Variants in NR1H3 observed in about 807,000 individuals in gnomAD.
NR1H3 encodes nuclear receptor subfamily 1 group H member 3.
NR1H3 carries 19 observed loss-of-function variants against 48.1 expected under a neutral mutation model. That is an observed-to-expected ratio of 0.40 (90% CI 0.28 to 0.58). The LOEUF (loss-of-function observed/expected upper bound fraction) is 0.58, where lower values mean the gene tolerates loss of function less well. Among genes scored for constraint, NR1H3 ranks in the 20% least tolerant of loss-of-function variants. The pLI is 0.50. For synonymous variants in NR1H3, 232 were observed against 227.3 expected (o/e 1.02, Z -0.19); for missense variants, 486 against 595.9 (o/e 0.82, Z 1.92).
chr11:47,260,927 A>T (rs570721242), intron 4 of NR1H3, among the ~76,000 whole-genome samples: 2 of 152,184 alleles, frequency 1.3e-5, no homozygotes, highest in Admixed American at 6.5e-5. Context: ...TCTACTAAAA[A>T]TACAAAAATT....
intron 1 of NR1H3, among the ~76,000 whole-genome samples, chr11:47,250,882 C>T (rs1954599179): frequency 6.6e-6 from 1 of 152,210 alleles, no homozygotes; most frequent in Non-Finnish European, 1.5e-5. Context: ...CAAGTTTTGG[C>T]CGGGTGCGTG....
At chr11:47,265,120 C>T (rs1956324315) in intron 7 of NR1H3, among the ~76,000 whole-genome samples, 1 of 152,034 alleles carries the variant, frequency 6.6e-6, no homozygotes, top group Non-Finnish European at 1.5e-5. Context: ...ATGGCAAAAC[C>T]CCATCTCTAC....
upstream of NR1H3, among the ~76,000 whole-genome samples, chr11:47,253,899 CA>C (rs998853560): frequency 7.2e-5 from 11 of 152,178 alleles, no homozygotes; most frequent in African/African-American, 2.4e-4. Context: ...GTGGGGCTGC[CA>C]AAGTGGGAAC....
upstream of NR1H3, among the ~76,000 whole-genome samples, chr11:47,256,187 C>T (rs758336316): frequency 2.5e-4 from 38 of 151,056 alleles, no homozygotes; most frequent in Non-Finnish European, 4.9e-4. Flanking sequence ...ATTACAGACC[C>T]GCATCACTAT....
At chr11:47,263,326 A>C (rs1215803013) in intron 7 of NR1H3, among the ~76,000 whole-genome samples, 2 of 149,620 alleles carry the variant, frequency 1.3e-5, no homozygotes, top group African/African-American at 4.9e-5. Flanking sequence ...GTGCAGTGGC[A>C]TGAACGTGGC....
At chr11:47,262,517 T>G (rs1014271150) in intron 7 of NR1H3, among the ~76,000 whole-genome samples, 5 of 148,446 alleles carry the variant, frequency 3.4e-5, no homozygotes, top group African/African-American at 1.2e-4. Flanking sequence ...ACTTTTTTTT[T>G]GTTTCATTTT....
intron 7 of NR1H3, among the ~76,000 whole-genome samples, chr11:47,264,192 A>G (rs1364456766): frequency 6.6e-6 from 1 of 152,192 alleles, no homozygotes; most frequent in Non-Finnish European, 1.5e-5. Flanking sequence ...ATTGAGCTTC[A>G]GCAGGAAACC....
At chr11:47,248,751 G>A, upstream of NR1H3, 1 of 1,607,158 alleles carries the variant, frequency 6.2e-7, no homozygotes, top group South Asian at 1.1e-5. Context: ...GGAGCTGGAG[G>A]AGAGCCGCCC....
intron 6 of NR1H3, 60 bp downstream of exon 6, chr11:47,261,786 G>A: frequency 6.2e-7 from 1 of 1,610,748 alleles, no homozygotes; most frequent in Non-Finnish European, 8.5e-7. Flanking sequence ...TGTGGGAGGG[G>A]CCTCCAGACA....
chr11:47,264,746 T>G (rs1278660634), intron 7 of NR1H3, among the ~76,000 whole-genome samples: 2 of 152,224 alleles, frequency 1.3e-5, no homozygotes, highest in Non-Finnish European at 2.9e-5. Flanking sequence ...TCTTATTTCA[T>G]GAGTGAGGTC....
At chr11:47,256,730 TC>T (rs1591087613), upstream of NR1H3, among the ~76,000 whole-genome samples, 1 of 147,992 alleles carries the variant, frequency 6.8e-6, no homozygotes, top group African/African-American at 2.5e-5. Context: ...GAATAATATT[TC>T]TTTTTTTTTT....
chr11:47,265,843 G>C (rs1052018442), intron 7 of NR1H3, among the ~76,000 whole-genome samples: 1 of 152,178 alleles, frequency 6.6e-6, no homozygotes, highest in Non-Finnish European at 1.5e-5. Context: ...CTGCACTCTA[G>C]TCTGGCAACA....
rs1176444836 is a variant in NR1H3 at position 47,267,963 on chromosome 11, A to C, written c.1039A>C (p.Asn347His). Residue 347 changes from asparagine to histidine, a missense_variant, in exon 8 of 10, where the codon AAT (asparagine) becomes CAT (histidine). Asn to His is a moderately conservative substitution (Grantham distance 68, BLOSUM62 1). Transcript: ENST00000441012. ...NPIFEFSRAMNELQLNDAEFA... is the reference protein window; with the variant it reads ...NPIFEFSRAMHELQLNDAEFA... The stretch of plus-strand genomic sequence containing the variant: ...CATCTTCGAGTTCTCCAGGGCCATG[A>C]ATGAGCTGCAACTCAATGATGCCGA... 1.9e-6 allele frequency: 3 copies of C among 1,614,082 alleles called. No individual in the cohort carries two copies. The highest frequency in any genetic ancestry group is 2.5e-6 in the Non-Finnish European group (3 of 1,180,020).
chr11:47,254,331 C>G (rs35879051), upstream of NR1H3, among the ~76,000 whole-genome samples: 57,458 of 152,072 alleles, frequency 0.38, 11,808 homozygotes, highest in East Asian at 0.75. Context: ...TTGAAACCAG[C>G]CATCTCTGTG....
At chr11:47,248,393 GT>G (rs1178756007), upstream of NR1H3, 90 of 1,502,332 alleles carry the variant, frequency 6.0e-5, no homozygotes, top group Admixed American at 1.2e-3. Context: ...AACGTATGTG[GT>G]GGGGACAACT....
chr11:47,261,148 C>T, intron 4 of NR1H3, 93 bp from the exon 5 acceptor site: 1 of 833,498 alleles, frequency 1.2e-6, no homozygotes, highest in Non-Finnish European at 1.8e-6. Flanking sequence ...AAACCACCCC[C>T]TTTGCCCCAT....
intron 3 of NR1H3, 23 bp from the exon 4 acceptor site, chr11:47,260,386 T>C: frequency 1.9e-6 from 3 of 1,594,290 alleles, no homozygotes; most frequent in Non-Finnish European, 8.6e-7. Context: ...GGGGAGAGCG[T>C]TGAAGCACTT....
intron 1 of NR1H3, among the ~76,000 whole-genome samples, chr11:47,252,068 GAAA>G (rs77344433): frequency 1.6e-5 from 2 of 128,636 alleles, no homozygotes; most frequent in African/African-American, 5.7e-5. Context: ...AAAAAAAAAA[GAAA>G]AAAAAAAAAC....
intron 7 of NR1H3, among the ~76,000 whole-genome samples, chr11:47,265,565 G>A (rs1321574640): frequency 6.6e-6 from 1 of 152,172 alleles, no homozygotes; most frequent in African/African-American, 2.4e-5. Flanking sequence ...CAGGAAGACT[G>A]TTTCCAAGAA....
Sources: gnomAD v4.1 joint callset for allele counts (sites outside exome capture counted in the v4.1 genomes callset) on GRCh38, gnomAD v4.1.1 for gene constraint, MANE v1.5 for transcripts, NCBI Gene and HGNC (gene_info 2026-07-23, HGNC 2026-07-21) for gene names.